ACVR1C: variants seen among roughly 807,000 people sequenced by gnomAD.
The protein encoded by ACVR1C is activin A receptor type 1C.
Under a neutral mutation model 57.9 loss-of-function variants are expected in ACVR1C, and 23 were observed. The observed-to-expected ratio is 0.40, with a 90% CI of 0.29 to 0.56. The LOEUF (loss-of-function observed/expected upper bound fraction) is 0.56, where lower values mean the gene tolerates loss of function less well. ACVR1C is among the 20% of genes least tolerant of loss of function. ACVR1C has a pLI of 0.50. For synonymous variants in ACVR1C, 214 were observed against 215.3 expected, an observed-to-expected ratio of 0.99 and a Z score of 0.05; for missense variants, 480 against 607.9, an observed-to-expected ratio of 0.79 and a Z score of 2.21.
intron 2 of ACVR1C, among the ~76,000 whole-genome samples, chr2:157,560,441 CG>C (rs1298527734): frequency 6.6e-6 from 1 of 152,164 alleles, no homozygotes; most frequent in Non-Finnish European, 1.5e-5. Flanking sequence ...AAATTTAAAA[CG>C]GAACCAAGTG....
Position 157,618,059 on chromosome 2 carries a change from A to G in ACVR1C, c.73+10513T>C, listed in dbSNP as rs1483893384. 3.3e-5 allele frequency among the ~76,000 whole-genome samples: 5 copies of G among 151,940 alleles called. No individual in the cohort carries two copies. In the South Asian group the frequency reaches 6.2e-4, roughly 19 times the overall value. On this transcript the variant is annotated intron_variant, in intron 1 of 8. Coordinates refer to ENST00000243349, the MANE Select transcript of ACVR1C (RefSeq NM_145259.3). Reference sequence around the variant, plus strand: ...CTTTGATTTATACAAAGCAATGAAGAGTACTAAAAGTGATAAACAGGTGGG... The same window carrying G: ...CTTTGATTTATACAAAGCAATGAAGGGTACTAAAAGTGATAAACAGGTGGG...
intron 1 of ACVR1C, among the ~76,000 whole-genome samples, chr2:157,606,421 G>A (rs1314953896): frequency 6.6e-6 from 1 of 151,798 alleles, no homozygotes; most frequent in African/African-American, 2.4e-5. Context: ...CCCACCCACA[G>A]TGTATAAGAG....
intron 8 of ACVR1C, among the ~76,000 whole-genome samples, chr2:157,535,978 C>T (rs552163539): frequency 1.3e-5 from 2 of 152,042 alleles, no homozygotes; most frequent in South Asian, 4.2e-4. Context: ...CCAGGCTTGG[C>T]ACATACAAAG....
rs144287410 is a variant in ACVR1C at position 157,541,572 on chromosome 2, T to C, written c.1101-358A>G. ...AGTGAGGATGCAACACCCTCCCAAG[T>C]TCTTGCAAGGGTGTTAGATCCCCTG... On this transcript the variant is annotated intron_variant, in intron 6 of 8. Coordinates refer to ENST00000243349, the MANE Select transcript of ACVR1C (RefSeq NM_145259.3). Among the ~76,000 whole-genome samples the C allele has an allele frequency of 2.1e-3, 327 of 152,284 alleles. 5 individuals are homozygous for C. The highest frequency in any genetic ancestry group is 7.6e-3 in the African/African-American group (315 of 41,574).
intron 2 of ACVR1C, among the ~76,000 whole-genome samples, chr2:157,573,136 A>G (rs1688562371): frequency 6.6e-6 from 1 of 152,188 alleles, no homozygotes; most frequent in South Asian, 2.1e-4. Context: ...TAAAATTATT[A>G]GTTTTTGATA....
chr2:157,613,086 C>A (rs911379211), intron 1 of ACVR1C, among the ~76,000 whole-genome samples: 10 of 152,218 alleles, frequency 6.6e-5, no homozygotes, highest in African/African-American at 2.4e-4. Flanking sequence ...ATGTGGACTG[C>A]TAAGGGTCTC....
At chr2:157,562,671 A>C (rs1456922401) in intron 2 of ACVR1C, among the ~76,000 whole-genome samples, 3 of 152,020 alleles carry the variant, frequency 2.0e-5, no homozygotes, top group Non-Finnish European at 4.4e-5. Context: ...ACAACAAAAA[A>C]AGAAAACTTC....
intron 2 of ACVR1C, among the ~76,000 whole-genome samples, chr2:157,575,491 A>G (rs1288788786): frequency 6.6e-6 from 1 of 151,808 alleles, no homozygotes; most frequent in Non-Finnish European, 1.5e-5. Context: ...CTGGTCTTGA[A>G]CTCCTAGGCT....
At chr2:157,589,813 G>T (rs1689020618) in intron 1 of ACVR1C, among the ~76,000 whole-genome samples, 1 of 151,856 alleles carries the variant, frequency 6.6e-6, no homozygotes, top group Admixed American at 6.6e-5. Context: ...AAAACGGCAT[G>T]GTACTGGTAT....
chr2:157,554,549 A>G (rs1308310710), intron 3 of ACVR1C, among the ~76,000 whole-genome samples: 2 of 152,158 alleles, frequency 1.3e-5, no homozygotes, highest in Non-Finnish European at 2.9e-5. Flanking sequence ...GATGCTACCT[A>G]ATGTGTACAG....
In ACVR1C at chr2:157,531,543, A is replaced by T. The variant is rs1687350327; in HGVS notation, c.*2375T>A. On this transcript the variant is annotated 3_prime_UTR_variant, in exon 9 of 9. Coordinates refer to ENST00000243349, the MANE Select transcript of ACVR1C (RefSeq NM_145259.3). ...ATCCTCTCTTAAAAATTCAATAAGCATATTTACCCAACATAAGTAAATAAA... is the reference window on the plus strand; with the variant it reads ...ATCCTCTCTTAAAAATTCAATAAGCTTATTTACCCAACATAAGTAAATAAA... The T allele has an allele frequency of 6.6e-6, 1 of 152,084 alleles. No homozygotes were observed. The highest frequency in any genetic ancestry group is 2.1e-4 in the South Asian group (1 of 4,830). The allele number at this position is 152,084 out of a possible 1,614,324, so 9.4% of individuals were successfully genotyped here. A position where few individuals can be genotyped will look rare whatever the true frequency, so the allele number is the denominator to read the frequency against.
chr2:157,562,196 G>A (rs1048670513), intron 2 of ACVR1C, among the ~76,000 whole-genome samples: 2 of 151,614 alleles, frequency 1.3e-5, no homozygotes, highest in African/African-American at 2.4e-5. Context: ...TTGGGAGGCT[G>A]AGGTAGAAGA....
At chr2:157,602,184 T>C (rs978720730) in intron 1 of ACVR1C, among the ~76,000 whole-genome samples, 1 of 152,232 alleles carries the variant, frequency 6.6e-6, no homozygotes, top group African/African-American at 2.4e-5. Flanking sequence ...AACTGGAACA[T>C]TAACTCACAT....
intron 2 of ACVR1C, among the ~76,000 whole-genome samples, chr2:157,583,724 CT>C (rs1254623063): frequency 6.6e-6 from 1 of 152,146 alleles, no homozygotes; most frequent in Non-Finnish European, 1.5e-5. Context: ...TATAAAGTTA[CT>C]TTATTTTCAA....
At chr2:157,601,663 T>G (rs1380789091) in intron 1 of ACVR1C, among the ~76,000 whole-genome samples, 1 of 152,166 alleles carries the variant, frequency 6.6e-6, no homozygotes, top group Non-Finnish European at 1.5e-5. Context: ...GCGTCTGAGT[T>G]TAACATTGTT....
chr2:157,582,811 T>C (rs13428055), intron 2 of ACVR1C, among the ~76,000 whole-genome samples: 7,115 of 152,276 alleles, frequency 0.047, 311 homozygotes, highest in African/African-American at 0.11. Context: ...GATAAGATGA[T>C]TATGTATGCA....
At chr2:157,557,104 T>G (rs774398764) in intron 2 of ACVR1C, among the ~76,000 whole-genome samples, 1 of 151,890 alleles carries the variant, frequency 6.6e-6, no homozygotes, top group Non-Finnish European at 1.5e-5. Context: ...TTGAGTCATA[T>G]ATGTTCTCAT....
At chr2:157,591,862 C>CA (rs1301188090) in intron 1 of ACVR1C, among the ~76,000 whole-genome samples, 4 of 151,938 alleles carry the variant, frequency 2.6e-5, no homozygotes, top group African/African-American at 4.8e-5. Flanking sequence ...AAATGAGGCT[C>CA]AAAAAGACAA....
intron 4 of ACVR1C, among the ~76,000 whole-genome samples, chr2:157,549,042 G>A (rs1687842318): frequency 6.6e-6 from 1 of 152,118 alleles, no homozygotes; most frequent in South Asian, 2.1e-4. Context: ...TTTCTGTCCT[G>A]GTTGGTAAAT....
Sources: gnomAD v4.1 joint callset for allele counts (sites outside exome capture counted in the v4.1 genomes callset) on GRCh38, gnomAD v4.1.1 for gene constraint, MANE v1.5 for transcripts, NCBI Gene and HGNC (gene_info 2026-07-23, HGNC 2026-07-21) for gene names.